Variants in CACNA1H observed in about 807,000 individuals in gnomAD.
CACNA1H encodes voltage-dependent T-type calcium channel subunit alpha-1H.
CACNA1H carries 149 observed loss-of-function variants against 192.5 expected under a neutral mutation model. The observed-to-expected ratio is 0.77, with a 90% CI of 0.68 to 0.89. The LOEUF is 0.89. Ranked by LOEUF, CACNA1H falls within the 40% of genes least tolerant of loss-of-function variation. CACNA1H has a pLI of 0.00. For synonymous variants in CACNA1H, 2,202 were observed against 1,475.2 expected (o/e 1.49, Z -11.29); for missense variants, 4,257 against 3,423.5 (o/e 1.24, Z -6.08).
At chr16:1,197,807 C>T (rs886306916) in intron 5 of CACNA1H, among the ~76,000 whole-genome samples, 3 of 152,204 alleles carry the variant, frequency 2.0e-5, no homozygotes, top group Non-Finnish European at 2.9e-5. Context: ...AGGGCTTTAC[C>T]TGCTGCCTTA....
Position 1,220,762 on chromosome 16 carries a change from G to T in CACNA1H, c.6830G>T (p.Ser2277Ile), listed in dbSNP as rs761971364. 1.9e-6 allele frequency: 3 copies of T among 1,612,526 alleles called. No individual in the cohort carries two copies. The African/African-American group carries it at 4.0e-5, about 22-fold the overall frequency. The change falls in exon 35 of 35, where the codon AGT becomes ATT. Residue 2277 changes from serine to isoleucine, a missense_variant. Transcript: ENST00000348261. ...AFEPLDLGVP[S>I]GDPFLDGSHS... ...GAGCCGCTGGACCTCGGGGTCCCCAGTGGAGACCCTTTCTTGGACGGTAGC... is the reference window on the plus strand; with the variant it reads ...GAGCCGCTGGACCTCGGGGTCCCCATTGGAGACCCTTTCTTGGACGGTAGC...
chr16:1,163,098 C>A (rs1963391744), intron 2 of CACNA1H, among the ~76,000 whole-genome samples: 1 of 152,238 alleles, frequency 6.6e-6, no homozygotes, highest in Non-Finnish European at 1.5e-5. Flanking sequence ...CTGTTCTGGG[C>A]AGGTGAGGCA....
Position 1,215,657 on chromosome 16 carries a change from C to T in CACNA1H, c.5244+64C>T, listed in dbSNP as rs1382649478. 76 of 1,322,058 alleles carry T rather than the reference C, an allele frequency of 5.7e-5. No individual in the cohort carries two copies. In the South Asian group the frequency reaches 7.0e-4, roughly 12 times the overall value. The allele number at this position is 1,322,058 out of a possible 1,614,324, so 81.9% of individuals were successfully genotyped here. ...GAAGACGGGGTTGCAGGGAGCGCCT[C>T]GCCGTCCCCCTCTCCCCCTCACTCG... On this transcript the variant is annotated intron_variant, in intron 30 of 34. Coordinates refer to ENST00000348261, the MANE Select transcript of CACNA1H (RefSeq NM_021098.3).
intron 2 of CACNA1H, among the ~76,000 whole-genome samples, chr16:1,169,574 A>G (rs1293767869): frequency 6.6e-6 from 1 of 152,194 alleles, no homozygotes; most frequent in South Asian, 2.1e-4. Flanking sequence ...GAGACACTTC[A>G]GAGCTGTGCG....
rs1969301292 is a variant in CACNA1H, at chr16:1,210,452, A to G, written c.3928A>G (p.Thr1310Ala). 1 of 1,611,106 alleles carries G rather than the reference A, an allele frequency of 6.2e-7. No homozygotes were observed. The highest frequency in any genetic ancestry group is 8.5e-7 in the Non-Finnish European group (1 of 1,179,584). The change falls in exon 19 of 35, where the codon ACC becomes GCC. Residue 1310 changes from threonine to alanine, a missense_variant. Coordinates refer to ENST00000348261, the MANE Select transcript of CACNA1H (RefSeq NM_021098.3). ...CGTCTTCATCTTCCTCAACTGCGTC[A>G]CCATCGCCCTGGAGAGGCCTGACAT... ...VLVFIFLNCV[T>A]IALERPDIDP...
At chr16:1,213,090 C>T (rs547203083) in intron 26 of CACNA1H, among the ~76,000 whole-genome samples, 1 of 152,242 alleles carries the variant, frequency 6.6e-6, no homozygotes, top group Non-Finnish European at 1.5e-5. Context: ...CAGTGCACAC[C>T]TGCCTGGGGG....
rs60938322 is a variant in CACNA1H, at chr16:1,215,028, C to T, written c.4986C>T (p.Phe1662=). 497 of 1,612,978 alleles carry T rather than the reference C, an allele frequency of 3.1e-4. 4 individuals are homozygous for T. The highest frequency in any genetic ancestry group is 1.2e-3 in the Middle Eastern group (7 of 6,060). ...ACGTCTTCACCATCGTGTTTGTCTT[C>T]GAGGCTGCACTGAAGCTGGTAGCAT... ...CNYVFTIVFV[F]EAALKLVAFG... The change falls in exon 28 of 35, where the codon TTC becomes TTT. Residue 1662 remains phenylalanine, a synonymous_variant. Coordinates refer to ENST00000348261, the MANE Select transcript of CACNA1H (RefSeq NM_021098.3).
rs764332031 is a variant in CACNA1H, at chr16:1,202,038, C to T, written c.1588C>T (p.His530Tyr). The T allele has an allele frequency of 6.5e-6, 10 of 1,538,008 alleles. No homozygotes were observed. The highest frequency in any genetic ancestry group is 8.7e-6 in the Non-Finnish European group (10 of 1,144,232). ...HHHHHHHHHY[H>Y]FSHGSPRRPG... Reference sequence around the variant, plus strand: ...CCATCACCACCACCACCACCACTACCATTTCAGCCATGGCAGCCCCCGCAG... The same window carrying T: ...CCATCACCACCACCACCACCACTACTATTTCAGCCATGGCAGCCCCCGCAG... Residue 530 changes from histidine to tyrosine, a missense_variant, in exon 9 of 35, where the codon CAT becomes TAT. Transcript: ENST00000348261.
At chr16:1,203,153 A>G (rs531811398) in intron 9 of CACNA1H, among the ~76,000 whole-genome samples, 4 of 152,252 alleles carry the variant, frequency 2.6e-5, no homozygotes, top group East Asian at 3.9e-4. Flanking sequence ...GCTGGTACCC[A>G]GGGCGTGCAG....
At position 1,209,360 on chromosome 16, in the gene CACNA1H, G is replaced by T. The variant is rs375021293; in HGVS notation, c.3692G>T (p.Arg1231Leu). 1 of 1,597,978 alleles carries T rather than the reference G, an allele frequency of 6.3e-7. No homozygotes were observed. ...GCCCTGCCCAGCGACTTCTTCCTGC[G>T]CATCGACAGCCACCGTGAGGATGCA... is the stretch of plus-strand genomic sequence containing the variant. ...VVALPSDFFL[R>L]IDSHREDAAE... Residue 1231 changes from arginine (R) to leucine (L), a missense_variant, in exon 17 of 35, where the codon CGC becomes CTC. Transcript: ENST00000348261.
At position 1,215,398 on chromosome 16, in the gene CACNA1H, G is replaced by C. The variant is rs531127059; in HGVS notation, c.5173+23G>C. On this transcript the variant is annotated intron_variant, in intron 29 of 34. Coordinates refer to ENST00000348261, the MANE Select transcript of CACNA1H (RefSeq NM_021098.3). ...GTGGTAGGTGCCCGCGTGCCCGCCAGGTTCTCTCTGCGGGTGGAGGGTGGG... is the reference window on the plus strand; with the variant it reads ...GTGGTAGGTGCCCGCGTGCCCGCCACGTTCTCTCTGCGGGTGGAGGGTGGG... 3.2e-5 allele frequency: 52 copies of C among 1,602,344 alleles called. No individual in the cohort carries two copies. The South Asian group carries it at 5.1e-4, about 16-fold the overall frequency.
intron 31 of CACNA1H, among the ~76,000 whole-genome samples, chr16:1,217,642 C>T (rs1332089285): frequency 6.6e-6 from 1 of 152,244 alleles, no homozygotes; most frequent in Non-Finnish European, 1.5e-5. Flanking sequence ...CCGCCACGCG[C>T]AGTCACAGAC....
rs370484391 is a variant in CACNA1H, at chr16:1,211,775, C to T, written c.4536C>T (p.Asp1512=). 9.4e-5 allele frequency: 152 copies of T among 1,612,604 alleles called. 1 individual carries two copies. Among genetic ancestry groups the T allele is most frequent in the Non-Finnish European group, 1.1e-4 (134 of 1,179,748 alleles). The change falls in exon 24 of 35, where the codon GAC becomes GAT. Residue 1512 remains aspartate (D), a synonymous_variant. Coordinates refer to ENST00000348261, the MANE Select transcript of CACNA1H (RefSeq NM_021098.3). ...SKDGWVNIMY[D]GLDAVGVDQQ... Reference sequence around the variant, plus strand: ...ATGGATGGGTGAACATCATGTACGACGGGCTGGATGCCGTGGGTGTCGACC... The same window carrying T: ...ATGGATGGGTGAACATCATGTACGATGGGCTGGATGCCGTGGGTGTCGACC...
chr16:1,205,763 C>T (rs573868966), intron 11 of CACNA1H, among the ~76,000 whole-genome samples: 6 of 152,240 alleles, frequency 3.9e-5, no homozygotes, highest in East Asian at 1.9e-4. Context: ...CATCCTGGGG[C>T]GGGGAGGGAG....
In CACNA1H at chr16:1,220,841, G is replaced by A. The variant is rs767060522; in HGVS notation, c.6909G>A (p.Leu2303=). Residue 2303 remains leucine (L), a synonymous_variant, in exon 35 of 35, where the codon CTG becomes CTA. Coordinates refer to ENST00000348261, the MANE Select transcript of CACNA1H (RefSeq NM_021098.3). The stretch of plus-strand genomic sequence containing the variant: ...CCTCTTCAGGGGCCATAGTGCCCCT[G>A]GAACCCCCAGAATCAGAGCCTCCCA... ...RASSSGAIVP[L]EPPESEPPMP... 1.2e-5 allele frequency: 19 copies of A among 1,612,686 alleles called. No individual in the cohort carries two copies. The highest frequency in any genetic ancestry group is 1.0e-4 in the Admixed American group (6 of 60,000).
chr16:1,162,967 C>A (rs755379038), intron 2 of CACNA1H, among the ~76,000 whole-genome samples: 1 of 152,274 alleles, frequency 6.6e-6, no homozygotes, highest in Non-Finnish European at 1.5e-5. Flanking sequence ...CCACGCGGAG[C>A]TATCCTTGGC....
At chr16:1,194,168 G>C (rs546870333) in intron 2 of CACNA1H, among the ~76,000 whole-genome samples, 26 of 152,128 alleles carry the variant, frequency 1.7e-4, no homozygotes, top group African/African-American at 5.8e-4. Context: ...CCAGGGGTGG[G>C]GGCGGCCACC....
chr16:1,212,428 C>T (rs753041244), intron 25 of CACNA1H, 83 bp from the exon 26 acceptor site: 33 of 1,404,570 alleles, frequency 2.3e-5, no homozygotes, highest in Admixed American at 5.9e-5. Flanking sequence ...CCCCGAGACA[C>T]GGGGGCTGAG....
intron 2 of CACNA1H, among the ~76,000 whole-genome samples, chr16:1,155,868 C>T (rs1309642622): frequency 6.6e-6 from 1 of 152,142 alleles, no homozygotes; most frequent in Non-Finnish European, 1.5e-5. Context: ...GGGCCAGCGG[C>T]ATCACGTGAC....
Sources: allele counts gnomAD v4.1 joint callset (sites outside exome capture counted in the v4.1 genomes callset), GRCh38; gene constraint gnomAD v4.1.1; transcripts MANE v1.5; gene names NCBI Gene and HGNC (gene_info 2026-07-23, HGNC 2026-07-21).